OSGIN1: variants seen among roughly 807,000 people sequenced by gnomAD.
OSGIN1 encodes oxidative stress induced growth inhibitor 1, also known as oxidative stress-induced growth inhibitor 1.
OSGIN1 carries 19 observed loss-of-function variants against 20.1 expected under a neutral mutation model. The observed-to-expected ratio is 0.95, with a 90% CI of 0.66 to 1.39. The LOEUF (loss-of-function observed/expected upper bound fraction) is 1.39, where lower values mean the gene tolerates loss of function less well. OSGIN1 is among the 40% of genes most tolerant of loss of function. The pLI, the probability that OSGIN1 is intolerant of heterozygous loss-of-function variation, is 0.00. For missense variants in OSGIN1, 820 were observed against 653.0 expected (o/e 1.26, Z -2.79); for synonymous variants, 368 against 297.8 (o/e 1.24, Z -2.43).
chr16:83,953,861 G>A (rs955035376), intron 1 of OSGIN1, among the ~76,000 whole-genome samples: 2 of 152,226 alleles, frequency 1.3e-5, no homozygotes, highest in Non-Finnish European at 2.9e-5. Flanking sequence ...AGAGTGCGGC[G>A]GGTTGGGAGG....
At chr16:83,958,093 T>G (rs926146308) in intron 2 of OSGIN1, among the ~76,000 whole-genome samples, 1 of 152,090 alleles carries the variant, frequency 6.6e-6, no homozygotes, top group Non-Finnish European at 1.5e-5. Flanking sequence ...GCCAGGCTGG[T>G]CTCGAACTCC....
Position 83,965,356 on chromosome 16 carries a change from C to G in OSGIN1, c.783C>G (p.Ala261=). ...CCCGGCTGGGCATCCCCGGGGAGGC[C>G]CTGCCCTTCATCCACCATGAGCTGT... The part of the protein sequence containing the change: ...SPARLGIPGE[A]LPFIHHELSA... The change falls in exon 6 of 6, where the codon GCC becomes GCG. Residue 261 remains alanine (A), a synonymous_variant. Coordinates refer to ENST00000393306, the MANE Select transcript of OSGIN1 (RefSeq NM_182981.3). 1 of 1,571,858 alleles carries G rather than the reference C, an allele frequency of 6.4e-7. No individual in the cohort carries two copies. The highest frequency in any genetic ancestry group is 8.6e-7 in the Non-Finnish European group (1 of 1,161,260).
At chr16:83,954,684 A>C in intron 1 of OSGIN1, 6 of 865,920 alleles carry the variant, frequency 6.9e-6, no homozygotes, top group Non-Finnish European at 8.3e-6. Context: ...TGTGGCATCC[A>C]GAAGCTTCTG....
intron 5 of OSGIN1, among the ~76,000 whole-genome samples, chr16:83,964,601 G>C (rs146647600): frequency 1.3e-5 from 2 of 152,092 alleles, no homozygotes; most frequent in African/African-American, 4.8e-5. Context: ...AATCATGGTG[G>C]CCTATCCTTA....
rs1453457042 is a variant in OSGIN1 at position 83,960,624 on chromosome 16, T to G, written c.260T>G (p.Leu87Arg). ...GGCCGATCCCAAAGCCCCGTGGCCC[T>G]GCTCTTTGATGCCCTTCTACGCCCA... ...LEGRSQSPVALLFDALLRPDT... is the reference protein window; with the variant it reads ...LEGRSQSPVARLFDALLRPDT... Residue 87 changes from leucine (L) to arginine (R), a missense_variant, in exon 4 of 6, where the codon CTG (leucine) becomes CGG (arginine). By Grantham distance (102) the Leu-to-Arg change is moderately radical (BLOSUM62 -2). Transcript: ENST00000393306. 1 of 1,613,534 alleles carries G rather than the reference T, an allele frequency of 6.2e-7. No homozygotes were observed. The highest frequency in any genetic ancestry group is 1.1e-5 in the South Asian group (1 of 91,088).
In OSGIN1 at chr16:83,953,362, G is replaced by C; in HGVS notation, c.-41G>C. ...GGGCTCACTGGGCTCCTGCACCACT[G>C]CCTGTCAGGTGAGTGTCCGGGGCCA... On this transcript the variant is annotated 5_prime_UTR_variant, in exon 1 of 6. Transcript: ENST00000393306. 1.6e-6 allele frequency: 2 copies of C among 1,288,830 alleles called. No homozygotes were observed. Among genetic ancestry groups the C allele is most frequent in the Non-Finnish European group, 2.0e-6 (2 of 988,496 alleles). 79.8% of individuals were successfully genotyped at this position (1,288,830 alleles called of 1,614,324 possible). A position where few individuals can be genotyped will look rare whatever the true frequency, so the allele number is the denominator to read the frequency against.
intron 5 of OSGIN1, among the ~76,000 whole-genome samples, chr16:83,964,133 A>G (rs988511032): frequency 2.0e-5 from 3 of 152,068 alleles, no homozygotes; most frequent in East Asian, 1.9e-4. Context: ...GCAAAACCCC[A>G]TCTCTAATAA....
At chr16:83,960,425 C>A in intron 3 of OSGIN1, 144 bp from the exon 4 acceptor site, 1 of 644,782 alleles carries the variant, frequency 1.6e-6, no homozygotes, top group Non-Finnish European at 2.7e-6. Flanking sequence ...CTTCAAACTA[C>A]CCCCAGGGTG....
At chr16:83,963,558 C>G (rs942942995) in intron 5 of OSGIN1, among the ~76,000 whole-genome samples, 2 of 152,126 alleles carry the variant, frequency 1.3e-5, no homozygotes, top group African/African-American at 4.8e-5. Flanking sequence ...TAACTCTGCA[C>G]AGAACATGCT....
In OSGIN1 at chr16:83,965,320, C is replaced by A; in HGVS notation, c.747C>A (p.Phe249Leu). 6.3e-7 allele frequency: 1 copy of A among 1,581,596 alleles called. No homozygotes were observed. Among genetic ancestry groups the A allele is most frequent in the South Asian group, 1.1e-5 (1 of 87,152 alleles). The change falls in exon 6 of 6, where the codon TTC becomes TTA. Residue 249 changes from phenylalanine (F) to leucine (L), a missense_variant. Physicochemically the swap from Phe to Leu is conservative, Grantham distance 22 (BLOSUM62 0). Coordinates refer to ENST00000393306, the MANE Select transcript of OSGIN1 (RefSeq NM_182981.3). ...ARNVVLATGT[F>L]DSPARLGIPG... ...ACGTGGTCCTCGCCACAGGCACGTT[C>A]GACAGCCCGGCCCGGCTGGGCATCC...
In OSGIN1 at chr16:83,965,896, C is replaced by T; in HGVS notation, c.1323C>T (p.Gly441=). ...PFTYQSTRQE[G]LYAMGPLAGD... Reference sequence around the variant, plus strand: ...CCTACCAGAGCACCCGCCAGGAGGGCCTGTACGCCATGGGGCCGCTGGCCG... The same window carrying T: ...CCTACCAGAGCACCCGCCAGGAGGGTCTGTACGCCATGGGGCCGCTGGCCG... Residue 441 remains glycine (G), a synonymous_variant, in exon 6 of 6, where the codon GGC becomes GGT. Coordinates refer to ENST00000393306, the MANE Select transcript of OSGIN1 (RefSeq NM_182981.3). 1 of 1,612,884 alleles carries T rather than the reference C, an allele frequency of 6.2e-7. No individual in the cohort carries two copies. The highest frequency in any genetic ancestry group is 1.3e-5 in the African/African-American group (1 of 75,084).
Position 83,960,596 on chromosome 16 carries a change from G to C in OSGIN1, c.232G>C (p.Glu78Gln). 1 of 1,613,350 alleles carries C rather than the reference G, an allele frequency of 6.2e-7. No homozygotes were observed. The change falls in exon 4 of 6, where the codon GAA (glutamate) becomes CAA (glutamine). Residue 78 changes from glutamate to glutamine, a missense_variant. Transcript: ENST00000393306. ...CCTGGACTACCTGTCCGAAGGCCTC[G>C]AAGGCCGATCCCAAAGCCCCGTGGC... ...QDLDYLSEGL[E>Q]GRSQSPVALL...
intron 1 of OSGIN1, among the ~76,000 whole-genome samples, chr16:83,955,389 C>A (rs551120624): frequency 9.2e-5 from 14 of 152,138 alleles, no homozygotes; most frequent in African/African-American, 3.1e-4. Context: ...GACCCTGGAA[C>A]GGACACTGCA....
In OSGIN1 at chr16:83,965,331, C is replaced by T. The variant is rs139508326; in HGVS notation, c.758C>T (p.Ala253Val). 7.7e-5 allele frequency: 122 copies of T among 1,574,624 alleles called. No individual in the cohort carries two copies. The African/African-American group carries it at 1.5e-3, about 20-fold the overall frequency. ...VLATGTFDSP[A>V]RLGIPGEALP... ...GCCACAGGCACGTTCGACAGCCCGG[C>T]CCGGCTGGGCATCCCCGGGGAGGCC... is the stretch of plus-strand genomic sequence containing the variant. Residue 253 changes from alanine (A) to valine (V), a missense_variant, in exon 6 of 6, where the codon GCC becomes GTC. Transcript: ENST00000393306.
chr16:83,965,248 C>A lies in OSGIN1; in HGVS notation c.675C>A (p.Phe225Leu), dbSNP rs201940808. Reference protein sequence around the residue: ...DSSPLFQVSGFLTRNQAQQPF... With the variant: ...DSSPLFQVSGLLTRNQAQQPF... ...GCCCCCTCTTCCAGGTGAGCGGCTTCCTGACCAGGAACCAGGCCCAGCAGC... is the reference window on the plus strand; with the variant it reads ...GCCCCCTCTTCCAGGTGAGCGGCTTACTGACCAGGAACCAGGCCCAGCAGC... The change falls in exon 6 of 6, where the codon TTC becomes TTA. Residue 225 changes from phenylalanine (F) to leucine (L), a missense_variant. Physicochemically the swap from Phe to Leu is conservative, Grantham distance 22. Coordinates refer to ENST00000393306, the MANE Select transcript of OSGIN1 (RefSeq NM_182981.3). 1.2e-6 allele frequency: 2 copies of A among 1,611,910 alleles called. No homozygotes were observed. Among genetic ancestry groups the A allele is most frequent in the Non-Finnish European group, 1.7e-6 (2 of 1,179,328 alleles).
chr16:83,957,605 G>T (rs371741642), intron 1 of OSGIN1, 35 bp from the exon 2 acceptor site: 1 of 1,101,966 alleles, frequency 9.1e-7, no homozygotes, highest in South Asian at 1.3e-5. Flanking sequence ...GGCCTCACCC[G>T]AATGGACTCT....
chr16:83,964,955 C>G (rs1335984471), intron 5 of OSGIN1, 107 bp from the exon 6 acceptor site: 2 of 743,692 alleles, frequency 2.7e-6, no homozygotes, highest in African/African-American at 3.5e-5. Flanking sequence ...ACAGCTACAG[C>G]CTAGTCCAGC....
In OSGIN1 at chr16:83,965,478, T is replaced by C; in HGVS notation, c.905T>C (p.Leu302Pro). Reference protein sequence around the residue: ...GAGLSAADAVLYARHYNIPVI... With the variant: ...GAGLSAADAVPYARHYNIPVI... Reference sequence around the variant, plus strand: ...GGGCTGTCAGCGGCCGACGCGGTCCTCTACGCCCGCCACTACAACATCCCG... The same window carrying C: ...GGGCTGTCAGCGGCCGACGCGGTCCCCTACGCCCGCCACTACAACATCCCG... The change falls in exon 6 of 6, where the codon CTC (leucine) becomes CCC (proline). Residue 302 changes from leucine to proline, a missense_variant. Coordinates refer to ENST00000393306, the MANE Select transcript of OSGIN1 (RefSeq NM_182981.3). 1 of 1,607,654 alleles carries C rather than the reference T, an allele frequency of 6.2e-7. No individual in the cohort carries two copies. The highest frequency in any genetic ancestry group is 8.5e-7 in the Non-Finnish European group (1 of 1,179,636).
chr16:83,960,445 C>T (rs1909149003), intron 3 of OSGIN1, 124 bp from the exon 4 acceptor site: 1 of 743,004 alleles, frequency 1.3e-6, no homozygotes, highest in African/African-American at 1.8e-5. Flanking sequence ...GCGCATCTCT[C>T]TGAGACCCTC....
Sources: gnomAD v4.1 joint callset for allele counts (sites outside exome capture counted in the v4.1 genomes callset) on GRCh38, gnomAD v4.1.1 for gene constraint, MANE v1.5 for transcripts, NCBI Gene and HGNC (gene_info 2026-07-23, HGNC 2026-07-21) for gene names.